The following CERS3 variants were observed in gnomAD, a reference collection of about 807,000 sequenced individuals.
The protein encoded by CERS3 is ceramide synthase 3, also known as LAG1 homolog, ceramide synthase 3.
In CERS3, 33 loss-of-function variants were observed where a neutral mutation model predicts 50.3. The ratio of observed to expected loss-of-function variants is 0.66; its 90% CI spans 0.50 to 0.88. The LOEUF is 0.88. CERS3 is among the 40% of genes least tolerant of loss of function. The pLI, the probability that CERS3 is intolerant of heterozygous loss-of-function variation, is 0.00. For missense variants in CERS3, 470 were observed against 460.3 expected (o/e 1.02, Z -0.19); for synonymous variants, 176 against 155.2 (o/e 1.13, Z -0.99).
At chr15:100,480,749 A>G (rs1052507000) in intron 5 of CERS3, among the ~76,000 whole-genome samples, 3 of 152,348 alleles carry the variant, frequency 2.0e-5, no homozygotes, top group African/African-American at 7.2e-5. Flanking sequence ...TGATATTGCA[A>G]TTATGCTGAA....
chr15:100,436,616 T>C (rs2033418884), intron 11 of CERS3, among the ~76,000 whole-genome samples: 1 of 152,148 alleles, frequency 6.6e-6, no homozygotes, highest in Non-Finnish European at 1.5e-5. Context: ...TCTGCACATG[T>C]ATCCCAGAGC....
intron 11 of CERS3, among the ~76,000 whole-genome samples, chr15:100,448,259 G>A (rs1160905174): frequency 6.6e-6 from 1 of 152,144 alleles, no homozygotes; most frequent in Admixed American, 6.5e-5. Flanking sequence ...ATAGCGAGTA[G>A]ATAATCACAC....
At chr15:100,449,104 C>T (rs950088178) in intron 11 of CERS3, among the ~76,000 whole-genome samples, 1 of 152,210 alleles carries the variant, frequency 6.6e-6, no homozygotes, top group Non-Finnish European at 1.5e-5. Flanking sequence ...TCCACACTCC[C>T]TCCCCCTACT....
At chr15:100,488,419 G>A (rs935965501) in intron 4 of CERS3, among the ~76,000 whole-genome samples, 11 of 152,078 alleles carry the variant, frequency 7.2e-5, no homozygotes, top group African/African-American at 2.7e-4. Context: ...TCTTGAATCA[G>A]TACAAAACTG....
chr15:100,517,324 T>TCC (rs924556416), intron 2 of CERS3, among the ~76,000 whole-genome samples: 18 of 152,236 alleles, frequency 1.2e-4, no homozygotes, highest in African/African-American at 4.3e-4. Flanking sequence ...GCACTGTGCC[T>TCC]CCAAGTGGTA....
At chr15:100,543,432 G>C (rs1175427605) in intron 1 of CERS3, among the ~76,000 whole-genome samples, 1 of 152,084 alleles carries the variant, frequency 6.6e-6, no homozygotes, top group African/African-American at 2.4e-5. Context: ...TTGAGGGTAA[G>C]CTCAAATATC....
At chr15:100,532,647 T>A (rs1001133768), upstream of CERS3, among the ~76,000 whole-genome samples, 2 of 152,038 alleles carry the variant, frequency 1.3e-5, no homozygotes, top group Non-Finnish European at 2.9e-5. Flanking sequence ...TGATCCCAGC[T>A]ACTTGGAAGG....
intron 2 of CERS3, among the ~76,000 whole-genome samples, chr15:100,502,099 G>A (rs1209053791): frequency 1.3e-5 from 2 of 151,842 alleles, no homozygotes; most frequent in African/African-American, 4.8e-5. Context: ...ACAAAAATTG[G>A]TCAGGTGTGG....
chr15:100,470,647 G>T (rs569435054), intron 9 of CERS3, among the ~76,000 whole-genome samples: 1 of 152,216 alleles, frequency 6.6e-6, no homozygotes, highest in South Asian at 2.1e-4. Flanking sequence ...CACACTTTTG[G>T]GCAAAACATA....
At chr15:100,453,876 G>A (rs1253216749) in intron 11 of CERS3, among the ~76,000 whole-genome samples, 1 of 151,978 alleles carries the variant, frequency 6.6e-6, no homozygotes, top group Non-Finnish European at 1.5e-5. Flanking sequence ...AACTCAATAA[G>A]GGAATCCCAT....
At chr15:100,534,617 C>T (rs1424748825) in intron 1 of CERS3, among the ~76,000 whole-genome samples, 1 of 151,416 alleles carries the variant, frequency 6.6e-6, no homozygotes, top group Non-Finnish European at 1.5e-5. Flanking sequence ...GCGATAAATG[C>T]ACATCTGATG....
intron 7 of CERS3, among the ~76,000 whole-genome samples, chr15:100,477,767 G>A (rs144077072): frequency 1.2e-3 from 179 of 152,272 alleles, no homozygotes; most frequent in African/African-American, 3.8e-3. Context: ...CTGGTGTTCA[G>A]GTTGACTAAG....
rs370169135 is a variant in CERS3 at position 100,483,767 on chromosome 15, TAATAATA to T, written c.407+776_407+782del. ...ACATCATTGGCAGAAGGATCAATAA[TAATAATA>T]ATTATTATTATTATTTTTTTTTTTG... On this transcript the variant is annotated intron_variant, in intron 5 of 11. Coordinates refer to ENST00000679737, the MANE Select transcript of CERS3 (RefSeq NM_001378789.1). Among the ~76,000 whole-genome samples the T allele has an allele frequency of 5.8e-3, 141 of 24,134 alleles. 17 individuals are homozygous for T. Among genetic ancestry groups the T allele is most frequent in the Non-Finnish European group, 7.5e-3 (85 of 11,374 alleles). The allele number at this position is 24,134 out of a possible 152,430, so 15.8% of individuals were successfully genotyped here.
chr15:100,526,478 CTGTGTGTGTGTG>C (rs1217852084), intron 1 of CERS3, among the ~76,000 whole-genome samples: 1 of 131,456 alleles, frequency 7.6e-6, no homozygotes, highest in South Asian at 2.8e-4. Flanking sequence ...CCTACATAAA[CTGTGTGTGTGTG>C]TGTGTGTGTG....
chr15:100,418,817 T>C (rs921704981), intron 11 of CERS3, among the ~76,000 whole-genome samples: 6 of 147,950 alleles, frequency 4.1e-5, no homozygotes, highest in African/African-American at 1.2e-4. Flanking sequence ...CAGAATTTCA[T>C]ATCCAGCCAA....
intron 10 of CERS3, among the ~76,000 whole-genome samples, chr15:100,461,004 A>G (rs958213770): frequency 6.6e-6 from 1 of 152,162 alleles, no homozygotes; most frequent in Non-Finnish European, 1.5e-5. Context: ...GAGGAGTGGC[A>G]GTGAAGGGTG....
At chr15:100,407,336 G>T (rs954843720) in intron 11 of CERS3, among the ~76,000 whole-genome samples, 2 of 152,204 alleles carry the variant, frequency 1.3e-5, no homozygotes, top group East Asian at 3.8e-4. Context: ...GATCCCAACT[G>T]TATAGGGCCT....
intron 5 of CERS3, among the ~76,000 whole-genome samples, chr15:100,483,787 A>ATTATTTTATTTTT (rs760594142): frequency 1.0e-5 from 1 of 100,040 alleles, no homozygotes; most frequent in Non-Finnish European, 1.9e-5. Flanking sequence ...TATTATTATT[A>ATTATTTTATTTTT]TTTTTTTTTT....
intron 11 of CERS3, among the ~76,000 whole-genome samples, chr15:100,405,009 T>C (rs1184974073): frequency 2.0e-5 from 3 of 152,104 alleles, no homozygotes; most frequent in Non-Finnish European, 2.9e-5. Flanking sequence ...TTAAAACTTT[T>C]AGAAGAAAAC....
Sources: allele counts gnomAD v4.1 joint callset (sites outside exome capture counted in the v4.1 genomes callset), GRCh38; gene constraint gnomAD v4.1.1; transcripts MANE v1.5; gene names NCBI Gene and HGNC (gene_info 2026-07-23, HGNC 2026-07-21).